FMN1: variants seen among roughly 807,000 people sequenced by gnomAD.
FMN1 encodes the protein formin-1.
In FMN1, 110 loss-of-function variants were observed where a neutral mutation model predicts 132.4. The ratio of observed to expected loss-of-function variants is 0.83; its 90% CI spans 0.71 to 0.97. The LOEUF is 0.97. FMN1 is among the 50% of genes least tolerant of loss of function. The pLI is 0.00. For synonymous variants in FMN1, 722 were observed against 651.7 expected (o/e 1.11, Z -1.64); for missense variants, 1,792 against 1,705.3 (o/e 1.05, Z -0.90).
At chr15:32,984,145 G>GA (rs779615982) in intron 7 of FMN1, among the ~76,000 whole-genome samples, 1 of 151,710 alleles carries the variant, frequency 6.6e-6, no homozygotes, top group Non-Finnish European at 1.5e-5. Flanking sequence ...GCTTTTATAA[G>GA]AAAAAAAGAC....
At chr15:33,001,537 T>TCCC (rs1049890223) in intron 7 of FMN1, among the ~76,000 whole-genome samples, 3 of 145,684 alleles carry the variant, frequency 2.1e-5, no homozygotes, top group Non-Finnish European at 4.5e-5. Context: ...TCCAAGTGCG[T>TCCC]CCCCCCTCAT....
intron 17 of FMN1, among the ~76,000 whole-genome samples, chr15:32,810,524 T>C (rs1038612381): frequency 6.6e-6 from 1 of 152,218 alleles, no homozygotes; most frequent in Non-Finnish European, 1.5e-5. Flanking sequence ...AATATACTAT[T>C]TTCCACAGTT....
At chr15:33,121,453 CTA>C (rs763564877) in intron 4 of FMN1, among the ~76,000 whole-genome samples, 2 of 152,142 alleles carry the variant, frequency 1.3e-5, no homozygotes, top group Admixed American at 1.3e-4. Context: ...ACATGTAGTT[CTA>C]TATGATACAA....
chr15:33,037,943 T>C (rs191385751), intron 6 of FMN1, among the ~76,000 whole-genome samples: 95 of 152,358 alleles, frequency 6.2e-4, no homozygotes, highest in African/African-American at 2.2e-3. Context: ...AAAACTATTA[T>C]GGTTGGGTGT....
intron 5 of FMN1, among the ~76,000 whole-genome samples, chr15:33,078,665 G>A (rs1366091206): frequency 6.6e-6 from 1 of 151,728 alleles, no homozygotes; most frequent in Non-Finnish European, 1.5e-5. Context: ...AAACAACTGG[G>A]CCATAAAAAC....
chr15:33,116,791 A>C (rs2039945180), intron 4 of FMN1, among the ~76,000 whole-genome samples: 1 of 152,152 alleles, frequency 6.6e-6, no homozygotes, highest in Non-Finnish European at 1.5e-5. Flanking sequence ...GACAAAGTAT[A>C]GGCCTTGAAT....
intron 9 of FMN1, among the ~76,000 whole-genome samples, chr15:32,941,748 C>T (rs2061404676): frequency 6.6e-6 from 1 of 152,168 alleles, no homozygotes; most frequent in Admixed American, 6.5e-5. Flanking sequence ...TCTTTTTCTG[C>T]TCTCAGGGAA....
At chr15:32,888,726 G>A (rs1041648378) in intron 15 of FMN1, among the ~76,000 whole-genome samples, 3 of 152,274 alleles carry the variant, frequency 2.0e-5, no homozygotes, top group South Asian at 4.1e-4. Context: ...TGCTGGATAA[G>A]AAGGCACTGC....
At chr15:32,886,528 C>T (rs1328261945) in intron 16 of FMN1, among the ~76,000 whole-genome samples, 3 of 152,152 alleles carry the variant, frequency 2.0e-5, no homozygotes, top group South Asian at 2.1e-4. Flanking sequence ...TCTCTCTGCT[C>T]GCCTCCCAGT....
intron 4 of FMN1, among the ~76,000 whole-genome samples, chr15:33,143,592 A>G (rs1416039477): frequency 2.0e-5 from 3 of 152,162 alleles, no homozygotes; most frequent in African/African-American, 7.2e-5. Context: ...CCAAATGAAG[A>G]TGGGACACCA....
intron 5 of FMN1, chr15:33,067,086 CAG>C: frequency 6.2e-7 from 1 of 1,613,970 alleles, no homozygotes; most frequent in Middle Eastern, 1.6e-4. Context: ...GACTTCTCTC[CAG>C]AGACTTCTTT....
At chr15:33,057,394 A>G (rs1006318553) in intron 6 of FMN1, among the ~76,000 whole-genome samples, 3 of 152,118 alleles carry the variant, frequency 2.0e-5, no homozygotes, top group Non-Finnish European at 4.4e-5. Context: ...TATTTTTGTT[A>G]TTCTTCTATA....
chr15:32,847,905 C>A (rs193024907), intron 17 of FMN1, among the ~76,000 whole-genome samples: 4 of 152,130 alleles, frequency 2.6e-5, no homozygotes, highest in African/African-American at 7.2e-5. Flanking sequence ...AATGCAAATA[C>A]CCACGGAAGA....
intron 4 of FMN1, among the ~76,000 whole-genome samples, chr15:33,097,327 AG>A (rs2039125839): frequency 2.0e-5 from 3 of 151,414 alleles, no homozygotes; most frequent in African/African-American, 7.3e-5. Context: ...AGAGAGAGAG[AG>A]AGAGATGGGC....
At chr15:32,969,605 G>C (rs986358816) in intron 7 of FMN1, 128 bp from the exon 8 acceptor site, 26 of 1,084,918 alleles carry the variant, frequency 2.4e-5, no homozygotes, top group South Asian at 3.3e-5. Context: ...GAAATACAGA[G>C]ACATTCTTTT....
intron 19 of FMN1, among the ~76,000 whole-genome samples, chr15:32,793,135 G>A (rs2057150920): frequency 1.3e-5 from 2 of 152,042 alleles, no homozygotes; most frequent in Admixed American, 1.3e-4. Flanking sequence ...GGTGTGTATA[G>A]TTTTTTAAAC....
rs1414989331 is a variant in FMN1, at chr15:33,077,375, T to A, written c.2043+11424A>T. The stretch of plus-strand genomic sequence containing the variant: ...TTTTAATATATATATATATATTTTT[T>A]TTATTATACTTTAAGTTCTAGGGAA... On this transcript the variant is annotated intron_variant, in intron 5 of 20. Transcript: ENST00000616417. Among the ~76,000 whole-genome samples, 501 of 146,504 alleles carry A rather than the reference T, an allele frequency of 3.4e-3. 2 individuals carry two copies. The highest frequency in any genetic ancestry group is 0.012 in the African/African-American group (482 of 40,392).
At chr15:32,782,865 C>G (rs2056708884) in intron 19 of FMN1, among the ~76,000 whole-genome samples, 1 of 152,170 alleles carries the variant, frequency 6.6e-6, no homozygotes, top group Non-Finnish European at 1.5e-5. Context: ...ATAGATGGAG[C>G]TGCAGATCAT....
intron 9 of FMN1, among the ~76,000 whole-genome samples, chr15:32,961,221 C>A (rs1596349551): frequency 6.6e-6 from 1 of 151,566 alleles, no homozygotes; most frequent in Non-Finnish European, 1.5e-5. Flanking sequence ...GCAACCTCTG[C>A]CTCCTGGGTT....
Sources: gnomAD v4.1 joint callset for allele counts (sites outside exome capture counted in the v4.1 genomes callset) on GRCh38, gnomAD v4.1.1 for gene constraint, MANE v1.5 for transcripts, NCBI Gene and HGNC (gene_info 2026-07-23, HGNC 2026-07-21) for gene names.